ROCK1: variants seen among roughly 807,000 people sequenced by gnomAD.
ROCK1 encodes Rho associated coiled-coil containing protein kinase 1, also known as rho-associated protein kinase 1.
ROCK1 carries 36 observed loss-of-function variants against 196.8 expected under a neutral mutation model. The observed-to-expected ratio is 0.18, with a 90% CI of 0.14 to 0.24. The LOEUF (loss-of-function observed/expected upper bound fraction) is 0.24. Ranked by LOEUF, ROCK1 falls within the 10% of genes least tolerant of loss-of-function variation. ROCK1 has a pLI of 1.00. For synonymous variants in ROCK1, 443 were observed against 515.9 expected (o/e 0.86, Z 1.91); for missense variants, 920 against 1,562.0 (o/e 0.59, Z 6.93).
chr18:21,109,354 G>A (rs1489918844), intron 1 of ROCK1, among the ~76,000 whole-genome samples: 1 of 152,100 alleles, frequency 6.6e-6, no homozygotes, highest in Non-Finnish European at 1.5e-5. Flanking sequence ...GAAAAAGAAA[G>A]CTACTAAACC....
At chr18:21,073,335 T>C (rs1309777584) in intron 1 of ROCK1, among the ~76,000 whole-genome samples, 3 of 152,130 alleles carry the variant, frequency 2.0e-5, no homozygotes, top group Non-Finnish European at 4.4e-5. Context: ...CACTTCACAT[T>C]TCCTGAGAAG....
intron 4 of ROCK1, among the ~76,000 whole-genome samples, chr18:21,046,838 A>C (rs2036164535): frequency 6.6e-6 from 1 of 152,126 alleles, no homozygotes; most frequent in Non-Finnish European, 1.5e-5. Flanking sequence ...TTATAGATTC[A>C]GTTACTTTGT....
intron 1 of ROCK1, among the ~76,000 whole-genome samples, chr18:21,102,769 G>C (rs1456182468): frequency 6.6e-6 from 1 of 152,072 alleles, no homozygotes; most frequent in Admixed American, 6.5e-5. Context: ...AAGAGGCTGA[G>C]GCAGAAGAAT....
chr18:20,967,224 G>T, intron 26 of ROCK1, 148 bp from the exon 27 acceptor site: 1 of 556,392 alleles, frequency 1.8e-6, no homozygotes, highest in South Asian at 2.7e-5. Context: ...ATACACTACA[G>T]AAATGTCAAG....
At chr18:21,096,598 G>A (rs2036615154) in intron 1 of ROCK1, among the ~76,000 whole-genome samples, 1 of 152,156 alleles carries the variant, frequency 6.6e-6, no homozygotes, top group South Asian at 2.1e-4. Context: ...ATGGAAATAG[G>A]GGAGATAATC....
chr18:21,092,052 G>A (rs1449439481), intron 1 of ROCK1, among the ~76,000 whole-genome samples: 1 of 152,144 alleles, frequency 6.6e-6, no homozygotes, highest in Non-Finnish European at 1.5e-5. Flanking sequence ...TCAATTATTA[G>A]GGGAGTCAGC....
intron 3 of ROCK1, 41 bp from the exon 4 acceptor site, chr18:21,049,270 C>T (rs1447784381): frequency 7.0e-7 from 1 of 1,431,578 alleles, no homozygotes; most frequent in Non-Finnish European, 9.3e-7. Flanking sequence ...CTTTTGTTAA[C>T]ATTTAAAGCT....
At chr18:21,019,996 C>G (rs578006381) in intron 12 of ROCK1, among the ~76,000 whole-genome samples, 155 bp downstream of exon 12, 1 of 152,004 alleles carries the variant, frequency 6.6e-6, no homozygotes, top group East Asian at 1.9e-4. Context: ...TACAACTTCT[C>G]AATTCTAGCC....
At position 21,065,119 on chromosome 18, in the gene ROCK1, T is replaced by C. The variant is rs572143322; in HGVS notation, c.175+5413A>G. The stretch of plus-strand genomic sequence containing the variant: ...GTCATTGGTGCCACTTGAGAAACCC[T>C]GGTCTAAAGTGAACTGAATGCTTTG... On this transcript the variant is annotated intron_variant, in intron 2 of 32. Transcript: ENST00000399799. Among the ~76,000 whole-genome samples the C allele has an allele frequency of 2.6e-5, 4 of 152,338 alleles. No homozygotes were observed. In the East Asian group the frequency reaches 7.7e-4, roughly 29 times the overall value.
chr18:20,987,405 C>G (rs1281350361), intron 18 of ROCK1, among the ~76,000 whole-genome samples: 1 of 152,000 alleles, frequency 6.6e-6, no homozygotes, highest in Non-Finnish European at 1.5e-5. Flanking sequence ...AAGAGTATAG[C>G]TAGAAAGGAA....
intron 9 of ROCK1, among the ~76,000 whole-genome samples, chr18:21,037,634 A>G (rs925787397): frequency 2.6e-5 from 4 of 152,154 alleles, no homozygotes; most frequent in African/African-American, 4.8e-5. Flanking sequence ...ATTAGGAAAA[A>G]CTACCAAAAT....
intron 1 of ROCK1, among the ~76,000 whole-genome samples, chr18:21,078,007 A>C (rs2036448685): frequency 1.3e-5 from 2 of 152,212 alleles, no homozygotes; most frequent in African/African-American, 2.4e-5. Context: ...AATGGACTGC[A>C]GTCATTTGTA....
At chr18:21,050,539 G>T (rs1056716765) in intron 2 of ROCK1, among the ~76,000 whole-genome samples, 2 of 151,964 alleles carry the variant, frequency 1.3e-5, no homozygotes, top group African/African-American at 4.8e-5. Flanking sequence ...TCCTAATTTG[G>T]TCATAGATTA....
Position 21,042,248 on chromosome 18 carries a change from T to C in ROCK1, c.821-13A>G. 6.4e-7 allele frequency: 1 copy of C among 1,551,236 alleles called. No homozygotes were observed. The highest frequency in any genetic ancestry group is 8.6e-7 in the Non-Finnish European group (1 of 1,156,552). On this transcript the variant is annotated splice_polypyrimidine_tract_variant and intron_variant, in intron 7 of 32. Transcript: ENST00000399799. Reference sequence around the variant, plus strand: ...AAAGGTGTATCACCTGAAAAATTGATAAAGAAAACAAAAGCAAAATGAAAT... The same window carrying C: ...AAAGGTGTATCACCTGAAAAATTGACAAAGAAAACAAAAGCAAAATGAAAT...
intron 13 of ROCK1, among the ~76,000 whole-genome samples, chr18:21,014,670 TA>T (rs2035848061): frequency 6.6e-6 from 1 of 152,214 alleles, no homozygotes; most frequent in Non-Finnish European, 1.5e-5. Flanking sequence ...AAATGCTCTC[TA>T]AATCTTCATA....
In ROCK1 at chr18:20,959,099, T is replaced by TA. The variant is rs1333376776; in HGVS notation, c.3512+740dup. Among the ~76,000 whole-genome samples the TA allele has an allele frequency of 2.0e-4, 4 of 19,656 alleles. 1 individual carries two copies. The highest frequency in any genetic ancestry group is 8.7e-4 in the African/African-American group (4 of 4,598). 12.9% of individuals were successfully genotyped at this position (19,656 alleles called of 152,430 possible). ...TAATATATATATTTTATATAATATA[T>TA]ATATTATATATATATTATATAATAT... On this transcript the variant is annotated intron_variant, in intron 29 of 32. Coordinates refer to ENST00000399799, the MANE Select transcript of ROCK1 (RefSeq NM_005406.3).
At chr18:21,028,668 A>G (rs2035981602) in intron 10 of ROCK1, 108 bp downstream of exon 10, 2 of 913,820 alleles carry the variant, frequency 2.2e-6, no homozygotes, top group South Asian at 4.0e-5. Context: ...AAATTGCATA[A>G]TAAGGTGTAT....
intron 27 of ROCK1, among the ~76,000 whole-genome samples, chr18:20,962,140 T>C (rs865908442): frequency 9.9e-5 from 15 of 152,144 alleles, no homozygotes; most frequent in African/African-American, 3.4e-4. Context: ...CCTTTGTAAA[T>C]AGTGGTTCCA....
intron 1 of ROCK1, among the ~76,000 whole-genome samples, chr18:21,101,748 A>G (rs2036661126): frequency 6.6e-6 from 1 of 152,176 alleles, no homozygotes; most frequent in South Asian, 2.1e-4. Flanking sequence ...TAATAAAGCA[A>G]CTGTAAAATA....
Sources: gnomAD v4.1 joint callset for allele counts (sites outside exome capture counted in the v4.1 genomes callset) on GRCh38, gnomAD v4.1.1 for gene constraint, MANE v1.5 for transcripts, NCBI Gene and HGNC (gene_info 2026-07-23, HGNC 2026-07-21) for gene names.